GALC: variants seen among roughly 807,000 people sequenced by gnomAD.
The protein encoded by GALC is galactosylceramidase.
In GALC, 77 loss-of-function variants were observed where a neutral mutation model predicts 91.8. The ratio of observed to expected loss-of-function variants is 0.84; its 90% CI spans 0.70 to 1.01. The LOEUF (loss-of-function observed/expected upper bound fraction) is 1.01. Among genes scored for constraint, GALC ranks in the 50% least tolerant of loss-of-function variants. The probability of loss-of-function intolerance (pLI) is 0.00; values close to 1 mark genes in which losing one functional copy is unlikely to be tolerated. For synonymous variants in GALC, 357 were observed against 306.7 expected, an observed-to-expected ratio of 1.16 and a Z score of -1.71; for missense variants, 882 against 855.9, an observed-to-expected ratio of 1.03 and a Z score of -0.38.
intron 7 of GALC, among the ~76,000 whole-genome samples, chr14:87,973,240 T>C (rs1886367571): frequency 6.6e-6 from 1 of 152,202 alleles, no homozygotes; most frequent in African/African-American, 2.4e-5. Flanking sequence ...TTGTTTCCAT[T>C]AGCACTTTCT....
In GALC at chr14:87,993,170, G is replaced by C; in HGVS notation, c.-6C>G. 3 of 1,587,534 alleles carry C rather than the reference G, an allele frequency of 1.9e-6. No individual in the cohort carries two copies. The highest frequency in any genetic ancestry group is 2.6e-6 in the Non-Finnish European group (3 of 1,167,064). ...GAGAGTAGCCACTCAGCCATTGTGT[G>C]GGTCACATGACTCCGGCGCCCAGGG... On this transcript the variant is annotated 5_prime_UTR_variant, in exon 1 of 17. Transcript: ENST00000261304.
chr14:87,953,512 G>A (rs1885395289), intron 10 of GALC: 1 of 1,606,250 alleles, frequency 6.2e-7, no homozygotes, highest in East Asian at 2.2e-5. Context: ...AGGATCTCAA[G>A]AACTTTTCAG....
chr14:87,951,307 T>C (rs17759953), intron 10 of GALC, among the ~76,000 whole-genome samples: 17,139 of 151,808 alleles, frequency 0.11, 1,147 homozygotes, highest in Non-Finnish European at 0.16. Context: ...TGAGACATAA[T>C]CCCTACTTTA....
rs761824140 is a variant in GALC, at chr14:87,986,567, C to T, written c.364G>A (p.Asp122Asn). Residue 122 changes from aspartate (D) to asparagine (N), a missense_variant, in exon 4 of 17, where the codon GAT (aspartate) becomes AAT (asparagine). By Grantham distance (23) the Asp-to-Asn change is conservative. Coordinates refer to ENST00000261304, the MANE Select transcript of GALC (RefSeq NM_000153.4). ...TCGTATCCTCGGAAATAATTCTCAT[C>T]TAGTGCATAATGCATGTGGGAGGGC... ...TEPSHMHYAL[D>N]ENYFRGYEWW... is the part of the protein sequence containing the mutation. 6.2e-7 allele frequency: 1 copy of T among 1,613,812 alleles called. No individual in the cohort carries two copies.
rs886050867 is a variant in GALC at position 87,988,154 on chromosome 14, C to A, written c.318G>T (p.Gly106=). ...HILKVEIGGD[G]QTTDGTEPSH... ...CCCAAATTCTCCTACCTGTTGTCTG[C>A]CCATCACCACCTATTTCCACTTTTA... The change falls in exon 3 of 17, where the codon GGG becomes GGT. Residue 106 remains glycine (G), a synonymous_variant. Coordinates refer to ENST00000261304, the MANE Select transcript of GALC (RefSeq NM_000153.4). The A allele has an allele frequency of 6.2e-7, 1 of 1,613,478 alleles. No individual in the cohort carries two copies. The highest frequency in any genetic ancestry group is 8.5e-7 in the Non-Finnish European group (1 of 1,179,636).
At chr14:87,982,786 T>C (rs1450890914) in intron 5 of GALC, among the ~76,000 whole-genome samples, 2 of 152,238 alleles carry the variant, frequency 1.3e-5, no homozygotes, top group East Asian at 3.8e-4. Context: ...CATGGGGTTT[T>C]AGAATTGAAA....
intron 10 of GALC, among the ~76,000 whole-genome samples, chr14:87,951,431 G>C (rs966741547): frequency 6.6e-6 from 1 of 151,904 alleles, no homozygotes; most frequent in African/African-American, 2.4e-5. Context: ...CTTAGTAATT[G>C]ATAGTACAAC....
intron 13 of GALC, among the ~76,000 whole-genome samples, chr14:87,945,981 G>A (rs919207286): frequency 1.3e-5 from 2 of 152,024 alleles, no homozygotes; most frequent in Admixed American, 6.6e-5. Flanking sequence ...TGGTGTAGAG[G>A]AAAGGTCATG....
rs532256851 is a variant in GALC, at chr14:87,963,649, G to A, written c.1034-138C>T. The A allele has an allele frequency of 5.8e-4, 399 of 692,076 alleles. 4 individuals carry two copies. In the East Asian group the frequency reaches 8.8e-3, roughly 15 times the overall value. 42.9% of individuals were successfully genotyped at this position (692,076 alleles called of 1,614,324 possible). ...TTTTCTATTTTGCAGGAATATATCC[G>A]TCAACCTCATGTTTAAATTTTTAAA... On this transcript the variant is annotated intron_variant, in intron 9 of 16. Coordinates refer to ENST00000261304, the MANE Select transcript of GALC (RefSeq NM_000153.4).
At chr14:87,969,396 G>A (rs1443950327) in intron 7 of GALC, among the ~76,000 whole-genome samples, 1 of 152,178 alleles carries the variant, frequency 6.6e-6, no homozygotes, top group African/African-American at 2.4e-5. Context: ...TGGGAGGGGA[G>A]TCAGTTGGTG....
chr14:87,934,670 C>G lies in GALC; in HGVS notation c.*62G>C. The stretch of plus-strand genomic sequence containing the variant: ...TGTTCCAATGAAACAAGAATTGGCT[C>G]TGAACCAAAACCAAAAAGAAGGGAA... On this transcript the variant is annotated 3_prime_UTR_variant, in exon 17 of 17. Coordinates refer to ENST00000261304, the MANE Select transcript of GALC (RefSeq NM_000153.4). 1 of 1,610,704 alleles carries G rather than the reference C, an allele frequency of 6.2e-7. No individual in the cohort carries two copies.
At chr14:87,945,783 C>T (rs1206680053) in intron 13 of GALC, 50 bp from the exon 14 acceptor site, 2 of 1,341,088 alleles carry the variant, frequency 1.5e-6, no homozygotes, top group Admixed American at 3.4e-5. Flanking sequence ...CCTTCAGAAG[C>T]TCTCCTTGCT....
At chr14:87,950,075 T>C (rs1265837874) in intron 11 of GALC, 144 bp from the exon 12 acceptor site, 1 of 513,160 alleles carries the variant, frequency 1.9e-6, no homozygotes, top group Non-Finnish European at 3.4e-6. Flanking sequence ...TAAATAATAA[T>C]ATTTTTAAAA....
chr14:87,961,840 A>G (rs1407143397), intron 10 of GALC, among the ~76,000 whole-genome samples: 1 of 152,216 alleles, frequency 6.6e-6, no homozygotes, highest in Non-Finnish European at 1.5e-5. Flanking sequence ...CTCTGCCTGA[A>G]GTACCCGATC....
At chr14:87,988,899 G>A (rs115369102) in intron 1 of GALC, among the ~76,000 whole-genome samples, 5,355 of 152,204 alleles carry the variant, frequency 0.035, 318 homozygotes, top group African/African-American at 0.12. Context: ...AACATCTTCC[G>A]GAAAAACATC....
At chr14:87,973,818 C>A (rs1347956933) in intron 7 of GALC, among the ~76,000 whole-genome samples, 1 of 152,146 alleles carries the variant, frequency 6.6e-6, no homozygotes, top group African/African-American at 2.4e-5. Flanking sequence ...CTCCATCCAT[C>A]GGATTCCAGT....
At chr14:87,954,026 T>C (rs1208486843) in intron 10 of GALC, 7 of 1,609,746 alleles carry the variant, frequency 4.3e-6, no homozygotes, top group Non-Finnish European at 5.9e-6. Flanking sequence ...TTGTTATTCA[T>C]GAGGACCAAT....
intron 6 of GALC, chr14:87,980,479 CT>C (rs1370489607): frequency 1.0e-6 from 1 of 981,542 alleles, no homozygotes; most frequent in Non-Finnish European, 1.2e-6. Context: ...TCTTTCATGA[CT>C]TGTTTTTCCC....
chr14:87,975,489 A>G (rs761965403), intron 7 of GALC, among the ~76,000 whole-genome samples: 1 of 152,158 alleles, frequency 6.6e-6, no homozygotes, highest in Non-Finnish European at 1.5e-5. Flanking sequence ...GGAGACACAT[A>G]CACAGTAATA....
Sources: allele counts gnomAD v4.1 joint callset (sites outside exome capture counted in the v4.1 genomes callset), GRCh38; gene constraint gnomAD v4.1.1; transcripts MANE v1.5; gene names NCBI Gene and HGNC (gene_info 2026-07-23, HGNC 2026-07-21).